The following TNFRSF11A variants were observed in gnomAD, a reference collection of about 807,000 sequenced individuals.
The protein encoded by TNFRSF11A is TNF receptor superfamily member 11a, also known as tumor necrosis factor receptor superfamily member 11A.
TNFRSF11A carries 32 observed loss-of-function variants against 55.7 expected under a neutral mutation model. The observed-to-expected ratio is 0.57, with a 90% CI of 0.43 to 0.77. The LOEUF is 0.77. Ranked by LOEUF, TNFRSF11A falls within the 30% of genes least tolerant of loss-of-function variation. The pLI, the probability that TNFRSF11A is intolerant of heterozygous loss-of-function variation, is 0.00. For synonymous variants in TNFRSF11A, 311 were observed against 331.0 expected, an observed-to-expected ratio of 0.94 and a Z score of 0.65; for missense variants, 753 against 809.8, an observed-to-expected ratio of 0.93 and a Z score of 0.85.
chr18:62,370,149 C>T (rs1373813979), intron 9 of TNFRSF11A, among the ~76,000 whole-genome samples: 1 of 152,094 alleles, frequency 6.6e-6, no homozygotes, highest in Non-Finnish European at 1.5e-5. Context: ...TGCAACACTG[C>T]CTGAGCATGA....
At chr18:62,359,378 A>G (rs933211901) in intron 5 of TNFRSF11A, among the ~76,000 whole-genome samples, 1 of 151,046 alleles carries the variant, frequency 6.6e-6, no homozygotes, top group East Asian at 1.9e-4. Context: ...AGCTATTGGA[A>G]TATGCATTTT....
intron 1 of TNFRSF11A, among the ~76,000 whole-genome samples, chr18:62,327,460 C>A (rs1248014067): frequency 6.6e-6 from 1 of 152,194 alleles, no homozygotes; most frequent in Non-Finnish European, 1.5e-5. Flanking sequence ...CCCAACCTTC[C>A]CAGTAGAAAT....
intron 2 of TNFRSF11A, among the ~76,000 whole-genome samples, chr18:62,348,776 C>G (rs1227009432): frequency 6.6e-6 from 1 of 152,194 alleles, no homozygotes; most frequent in Non-Finnish European, 1.5e-5. Context: ...TTCTGCAGCC[C>G]CAGTGAAAGC....
intron 3 of TNFRSF11A, among the ~76,000 whole-genome samples, chr18:62,350,286 A>T (rs1195258809): frequency 6.6e-6 from 1 of 151,784 alleles, no homozygotes; most frequent in Non-Finnish European, 1.5e-5. Context: ...TTGTTTATTT[A>T]TTTATTTATT....
Position 62,385,117 on chromosome 18 carries a change from C to T in TNFRSF11A, c.*83C>T. 7.4e-7 allele frequency: 1 copy of T among 1,354,104 alleles called. No homozygotes were observed. The highest frequency in any genetic ancestry group is 1.7e-5 in the South Asian group (1 of 59,286). 83.9% of individuals were successfully genotyped at this position (1,354,104 alleles called of 1,614,324 possible). ...GCAGCCTCTGCCCCAGCCCCGGCCACCCAGGGATCGATCGGTACAGTCGAG... is the reference window on the plus strand; with the variant it reads ...GCAGCCTCTGCCCCAGCCCCGGCCATCCAGGGATCGATCGGTACAGTCGAG... On this transcript the variant is annotated 3_prime_UTR_variant, in exon 10 of 10. Coordinates refer to ENST00000586569, the MANE Select transcript of TNFRSF11A (RefSeq NM_003839.4).
intron 9 of TNFRSF11A, among the ~76,000 whole-genome samples, chr18:62,376,150 C>G (rs1364460648): frequency 6.6e-6 from 1 of 152,158 alleles, no homozygotes; most frequent in African/African-American, 2.4e-5. Flanking sequence ...GTAGGATGCA[C>G]AGTGCGTGAT....
intron 1 of TNFRSF11A, among the ~76,000 whole-genome samples, 153 bp from the exon 2 acceptor site, chr18:62,348,015 C>T (rs891948976): frequency 5.4e-5 from 8 of 149,000 alleles, no homozygotes; most frequent in East Asian, 3.9e-4. Flanking sequence ...ACTGAGATCA[C>T]GCCATTGCAC....
chr18:62,380,339 T>G (rs1453133712), intron 9 of TNFRSF11A, among the ~76,000 whole-genome samples: 1 of 152,246 alleles, frequency 6.6e-6, no homozygotes, highest in East Asian at 1.9e-4. Context: ...TTGTCATTAA[T>G]TTTAGGTTTG....
intron 9 of TNFRSF11A, among the ~76,000 whole-genome samples, chr18:62,372,157 A>G (rs1019037479): frequency 2.6e-5 from 4 of 152,206 alleles, no homozygotes; most frequent in Non-Finnish European, 5.9e-5. Context: ...TAGCCATGTT[A>G]TAAGTCCTAA....
chr18:62,339,772 G>A (rs1038510863), intron 1 of TNFRSF11A, among the ~76,000 whole-genome samples: 2 of 152,020 alleles, frequency 1.3e-5, no homozygotes, highest in Admixed American at 6.5e-5. Context: ...ATCATTTTTC[G>A]AGATAAAGGC....
intron 4 of TNFRSF11A, among the ~76,000 whole-genome samples, chr18:62,357,478 A>G (rs1201932334): frequency 6.6e-6 from 1 of 152,238 alleles, no homozygotes; most frequent in Non-Finnish European, 1.5e-5. Flanking sequence ...TCTAAGATCC[A>G]TTGTGCCACT....
At chr18:62,382,174 G>C (rs375024889) in intron 9 of TNFRSF11A, among the ~76,000 whole-genome samples, 1 of 140,970 alleles carries the variant, frequency 7.1e-6, no homozygotes, top group African/African-American at 2.6e-5. Flanking sequence ...GCAGTGGCGC[G>C]ATCTTGACTC....
chr18:62,332,724 CT>C (rs907022063), intron 1 of TNFRSF11A, among the ~76,000 whole-genome samples: 78 of 150,648 alleles, frequency 5.2e-4, no homozygotes, highest in African/African-American at 1.6e-3. Context: ...TCTTTGTAAA[CT>C]TTTTTTTTTC....
At chr18:62,376,114 G>A (rs1875587829) in intron 9 of TNFRSF11A, among the ~76,000 whole-genome samples, 1 of 152,112 alleles carries the variant, frequency 6.6e-6, no homozygotes, top group Admixed American at 6.5e-5. Flanking sequence ...GCCTGGCCTG[G>A]CCCAGAGGGT....
At chr18:62,361,832 A>G (rs1909713344) in intron 7 of TNFRSF11A, 39 bp downstream of exon 7, 4 of 1,540,114 alleles carry the variant, frequency 2.6e-6, no homozygotes, top group Non-Finnish European at 3.6e-6. Flanking sequence ...CCAATCTTAA[A>G]AGATAGATTT....
At chr18:62,369,666 A>G (rs117913830) in intron 9 of TNFRSF11A, among the ~76,000 whole-genome samples, 182 bp downstream of exon 9, 16 of 152,234 alleles carry the variant, frequency 1.1e-4, no homozygotes, top group African/African-American at 3.9e-4. Context: ...TTGGTTATAC[A>G]CTGCGCCCAG....
Position 62,349,949 on chromosome 18 carries a change from C to T in TNFRSF11A, c.283+12C>T. 1 of 1,613,692 alleles carries T rather than the reference C, an allele frequency of 6.2e-7. No homozygotes were observed. Among genetic ancestry groups the T allele is most frequent in the Non-Finnish European group, 8.5e-7 (1 of 1,179,744 alleles). On this transcript the variant is annotated intron_variant, in intron 3 of 9. Coordinates refer to ENST00000586569, the MANE Select transcript of TNFRSF11A (RefSeq NM_003839.4). Reference sequence around the variant, plus strand: ...AGTTTGTGATACAGGTGAGCCCGTCCTGTCAGTGTGTCAGTGGGAAGTGTA... The same window carrying T: ...AGTTTGTGATACAGGTGAGCCCGTCTTGTCAGTGTGTCAGTGGGAAGTGTA...
intron 9 of TNFRSF11A, among the ~76,000 whole-genome samples, chr18:62,371,640 G>A (rs1910558217): frequency 2.0e-5 from 3 of 152,152 alleles, no homozygotes; most frequent in African/African-American, 4.8e-5. Context: ...GCCAGCAAGC[G>A]GGCCAAATTA....
intron 1 of TNFRSF11A, among the ~76,000 whole-genome samples, chr18:62,331,223 T>C (rs1600345544): frequency 9.5e-6 from 1 of 105,484 alleles, no homozygotes; most frequent in Non-Finnish European, 2.0e-5. Context: ...AATAAATAAA[T>C]AGTAAATAAA....
Sources: allele counts gnomAD v4.1 joint callset (sites outside exome capture counted in the v4.1 genomes callset), GRCh38; gene constraint gnomAD v4.1.1; transcripts MANE v1.5; gene names NCBI Gene and HGNC (gene_info 2026-07-23, HGNC 2026-07-21).